The following EFCAB3 variants were observed in gnomAD, a reference collection of about 807,000 sequenced individuals.
The protein encoded by EFCAB3 is EF-hand calcium binding domain 3, also known as EF-hand calcium-binding domain-containing protein 3.
A neutral mutation model predicts 42.2 loss-of-function variants in EFCAB3; 36 were observed. The observed-to-expected ratio is 0.85, with a 90% CI of 0.65 to 1.13. EFCAB3 has a LOEUF of 1.13. Among genes scored for constraint, EFCAB3 ranks in the 50% most tolerant of loss-of-function variants. The pLI, the probability that EFCAB3 is intolerant of heterozygous loss-of-function variation, is 0.00. For synonymous variants in EFCAB3, 170 were observed against 172.8 expected, an observed-to-expected ratio of 0.98 and a Z score of 0.13; for missense variants, 418 against 505.1, an observed-to-expected ratio of 0.83 and a Z score of 1.65.
intron 3 of EFCAB3, among the ~76,000 whole-genome samples, chr17:62,388,319 T>C (rs540896404): frequency 1.1e-4 from 17 of 152,296 alleles, no homozygotes; most frequent in African/African-American, 3.6e-4. Context: ...GAAAGCCTCC[T>C]AATTTGGTCT....
chr17:62,412,930 A>G lies in EFCAB3; in HGVS notation c.868-802A>G, dbSNP rs2543426. On this transcript the variant is annotated intron_variant, in intron 8 of 9. Coordinates refer to ENST00000305286, the MANE Select transcript of EFCAB3 (RefSeq NM_173503.4). ...AAAATGATAGATTATTCAACAAATA[A>G]TGCACTGAGTAGGCATCTGAGGAAA... Among the ~76,000 whole-genome samples the G allele has an allele frequency of 5.3e-3, 812 of 152,272 alleles. 11 individuals are homozygous for G. The highest frequency in any genetic ancestry group is 0.017 in the African/African-American group (708 of 41,556).
chr17:62,380,393 C>T (rs1389489971), upstream of EFCAB3, among the ~76,000 whole-genome samples: 1 of 152,196 alleles, frequency 6.6e-6, no homozygotes, highest in Non-Finnish European at 1.5e-5. Context: ...TCAAAATGTT[C>T]AGATTTTATA....
chr17:62,388,539 C>T (rs149457815), intron 3 of EFCAB3, among the ~76,000 whole-genome samples: 1 of 152,256 alleles, frequency 6.6e-6, no homozygotes, highest in East Asian at 1.9e-4. Flanking sequence ...GATGCTTTAC[C>T]CCACTAAATT....
chr17:62,397,517 T>G, intron 6 of EFCAB3: 1 of 564,776 alleles, frequency 1.8e-6, no homozygotes, highest in Non-Finnish European at 3.5e-6. Flanking sequence ...GGCCAACCCT[T>G]TTGAGGGTTG....
chr17:62,378,123 C>A (rs965599368), upstream of EFCAB3: 33 of 933,498 alleles, frequency 3.5e-5, 3 homozygotes, highest in South Asian at 5.1e-4. Context: ...TTGTCAGTTT[C>A]TATCCTCCAT....
In EFCAB3 at chr17:62,391,869, A is replaced by G. The variant is rs2070305446; in HGVS notation, c.199A>G (p.Ile67Val). Residue 67 changes from isoleucine (I) to valine (V), a missense_variant, in exon 4 of 10, where the codon ATT (isoleucine) becomes GTT (valine). Transcript: ENST00000305286. ...CTTCTACAAGGACAAAACTGGCTGT[A>G]TTGATTTCCATGGACTGATGTGCAC... is the stretch of plus-strand genomic sequence containing the variant. ...NFFYKDKTGC[I>V]DFHGLMCTVA... 1 of 1,613,734 alleles carries G rather than the reference A, an allele frequency of 6.2e-7. No individual in the cohort carries two copies. The highest frequency in any genetic ancestry group is 1.3e-5 in the African/African-American group (1 of 74,896).
At chr17:62,377,382 TC>T, upstream of EFCAB3, among the ~76,000 whole-genome samples, 1 of 152,280 alleles carries the variant, frequency 6.6e-6, no homozygotes, top group East Asian at 1.9e-4. Flanking sequence ...CACACTTTTT[TC>T]CTGAGTATTA....
chr17:62,379,822 T>A (rs2070181109), upstream of EFCAB3, among the ~76,000 whole-genome samples: 1 of 152,206 alleles, frequency 6.6e-6, no homozygotes, highest in Non-Finnish European at 1.5e-5. Context: ...CTTAAAACAA[T>A]CTTTTCTGTA....
At chr17:62,382,708 T>C (rs2070213615) in intron 1 of EFCAB3, among the ~76,000 whole-genome samples, 1 of 152,200 alleles carries the variant, frequency 6.6e-6, no homozygotes, top group Non-Finnish European at 1.5e-5. Flanking sequence ...GCATTTATTC[T>C]TACATAGGAT....
chr17:62,373,830 T>C (rs1598002020), exon 2 of EFCAB3: 2 of 1,513,804 alleles, frequency 1.3e-6, no homozygotes, highest in East Asian at 4.9e-5. Flanking sequence ...GAAAGATTAA[T>C]GTTAATTCAA....
At chr17:62,393,665 C>A in intron 5 of EFCAB3, 21 bp downstream of exon 5, 3 of 1,607,246 alleles carry the variant, frequency 1.9e-6, no homozygotes, top group Non-Finnish European at 2.6e-6. Context: ...ATGTTATGAA[C>A]AGAAGGCAGT....
At chr17:62,392,095 T>G in intron 4 of EFCAB3, 130 bp downstream of exon 4, 6 of 557,088 alleles carry the variant, frequency 1.1e-5, no homozygotes, top group Non-Finnish European at 1.6e-5. Context: ...TATATATTTG[T>G]GTGTATATAT....
intron 4 of EFCAB3, 106 bp downstream of exon 4, chr17:62,392,071 C>T: frequency 9.9e-7 from 1 of 1,007,560 alleles, no homozygotes; most frequent in East Asian, 3.0e-5. Context: ...TATTTACTTG[C>T]CCCCCCAAAT....
chr17:62,371,820 G>A (rs1311233791), intron 1 of EFCAB3, among the ~76,000 whole-genome samples: 3 of 152,134 alleles, frequency 2.0e-5, no homozygotes, highest in African/African-American at 7.2e-5. Flanking sequence ...TGGCCCTTGT[G>A]CTATATAAAT....
intron 6 of EFCAB3, among the ~76,000 whole-genome samples, chr17:62,398,547 T>C (rs1299361107): frequency 6.7e-6 from 1 of 149,456 alleles, no homozygotes; most frequent in Non-Finnish European, 1.5e-5. Context: ...CACAGGCCTG[T>C]CGTCTCAGCT....
At chr17:62,374,545 T>C (rs2070136345) in intron 2 of EFCAB3, among the ~76,000 whole-genome samples, 2 of 152,146 alleles carry the variant, frequency 1.3e-5, no homozygotes, top group Admixed American at 6.5e-5. Flanking sequence ...TCAGTACTTT[T>C]TGGTTGTAGG....
At chr17:62,414,174 T>C (rs2070524226) in intron 9 of EFCAB3, among the ~76,000 whole-genome samples, 1 of 152,260 alleles carries the variant, frequency 6.6e-6, no homozygotes, top group African/African-American at 2.4e-5. Context: ...GTGAGTAGTG[T>C]ACTCAGAGAT....
Position 62,388,008 on chromosome 17 carries a change from G to A in EFCAB3, c.151+592G>A, listed in dbSNP as rs966895466. Among the ~76,000 whole-genome samples the A allele has an allele frequency of 5.3e-5, 8 of 152,082 alleles. No individual in the cohort carries two copies. The East Asian group carries it at 9.6e-4, about 18-fold the overall frequency. On this transcript the variant is annotated intron_variant, in intron 3 of 9. Coordinates refer to ENST00000305286, the MANE Select transcript of EFCAB3 (RefSeq NM_173503.4). The stretch of plus-strand genomic sequence containing the variant: ...GCCGATCACCTGAGGTCAGGAGTCC[G>A]AGACCAGCTTGGCCAATATGGTGAA...
chr17:62,393,667 G>A (rs991843827), intron 5 of EFCAB3, 23 bp downstream of exon 5: 4 of 1,603,718 alleles, frequency 2.5e-6, no homozygotes, highest in Non-Finnish European at 3.4e-6. Flanking sequence ...GTTATGAACA[G>A]AAGGCAGTTG....
Sources: allele counts gnomAD v4.1 joint callset (sites outside exome capture counted in the v4.1 genomes callset), GRCh38; gene constraint gnomAD v4.1.1; transcripts MANE v1.5; gene names NCBI Gene and HGNC (gene_info 2026-07-23, HGNC 2026-07-21).